Variants in UGT1A1 observed in about 807,000 individuals in gnomAD.
UGT1A1 encodes the protein UDP glucuronosyltransferase family 1 member A1.
A neutral mutation model predicts 40.6 loss-of-function variants in UGT1A1; 33 were observed. That is an observed-to-expected ratio of 0.81 (90% CI 0.62 to 1.09). UGT1A1 has a LOEUF of 1.09. Among genes scored for constraint, UGT1A1 ranks in the 50% least tolerant of loss-of-function variants. UGT1A1 has a pLI of 0.00. For missense variants in UGT1A1, 694 were observed against 671.2 expected (o/e 1.03, Z -0.38); for synonymous variants, 249 against 265.0 (o/e 0.94, Z 0.59).
chr2:233,765,251 A>C (rs1476483631), intron 1 of UGT1A1, among the ~76,000 whole-genome samples: 1 of 152,222 alleles, frequency 6.6e-6, no homozygotes, highest in African/African-American at 2.4e-5. Flanking sequence ...TAATCCCATT[A>C]CTGGGTATAT....
chr2:233,763,503 T>C (rs1459749644), intron 1 of UGT1A1, among the ~76,000 whole-genome samples: 1 of 152,236 alleles, frequency 6.6e-6, no homozygotes, highest in Admixed American at 6.5e-5. Flanking sequence ...GTTTACTTTA[T>C]GTTTAGTTGA....
chr2:233,760,803 G>T lies in UGT1A1; in HGVS notation c.516G>T (p.Leu172Phe), dbSNP rs748734877. 2.5e-6 allele frequency: 4 copies of T among 1,613,224 alleles called. No individual in the cohort carries two copies. The highest frequency in any genetic ancestry group is 3.3e-5 in the Admixed American group (2 of 59,970). ...TGTCTCTGCCCACTGTATTCTTCTT[G>T]CATGCACTGCCATGCAGCCTGGAAT... ...QYLSLPTVFF[L>F]HALPCSLEFE... Residue 172 changes from leucine (L) to phenylalanine (F), a missense_variant, in exon 1 of 5, where the codon TTG (leucine) becomes TTT (phenylalanine). Transcript: ENST00000305208.
At position 233,760,932 on chromosome 2, in the gene UGT1A1, T is replaced by C; in HGVS notation, c.645T>C (p.Ile215=). ...TFLQRVKNML[I]AFSQNFLCDV... Reference sequence around the variant, plus strand: ...TGCAGCGGGTGAAGAACATGCTCATTGCCTTTTCACAGAACTTTCTGTGCG... The same window carrying C: ...TGCAGCGGGTGAAGAACATGCTCATCGCCTTTTCACAGAACTTTCTGTGCG... Residue 215 remains isoleucine, a synonymous_variant, in exon 1 of 5, where the codon ATT becomes ATC. Transcript: ENST00000305208. The C allele has an allele frequency of 6.2e-7, 1 of 1,614,198 alleles. No homozygotes were observed. Among genetic ancestry groups the C allele is most frequent in the Non-Finnish European group, 8.5e-7 (1 of 1,180,040 alleles).
intron 4 of UGT1A1, 143 bp downstream of exon 4, chr2:233,768,582 CTTTTTTTTTTTTT>C (rs139595073): frequency 1.1e-5 from 11 of 1,033,176 alleles, no homozygotes; most frequent in Non-Finnish European, 9.8e-6. Context: ...TTTATTTCTT[CTTTTTTTTTTTTT>C]TTTTTTTTTG....
chr2:233,760,445 G>A lies in UGT1A1; in HGVS notation c.158G>A (p.Arg53Lys), dbSNP rs2125984169. Residue 53 changes from arginine to lysine, a missense_variant, in exon 1 of 5, where the codon AGG (arginine) becomes AAG (lysine). Transcript: ENST00000305208. ...GGGGCCATCCAGCAGCTGCAGCAGA[G>A]GGGACATGAAATAGTTGTCCTAGCA... ...MLGAIQQLQQRGHEIVVLAPD... is the reference protein window; with the variant it reads ...MLGAIQQLQQKGHEIVVLAPD... 6.2e-7 allele frequency: 1 copy of A among 1,614,212 alleles called. No individual in the cohort carries two copies. The highest frequency in any genetic ancestry group is 8.5e-7 in the Non-Finnish European group (1 of 1,180,032).
intron 4 of UGT1A1, chr2:233,770,334 G>T (rs1260169235): frequency 6.6e-6 from 1 of 152,106 alleles, no homozygotes; most frequent in East Asian, 1.9e-4. Flanking sequence ...GGCCATAATA[G>T]GTGCTCAATT....
intron 3 of UGT1A1, 48 bp from the exon 4 acceptor site, chr2:233,768,172 G>C: frequency 6.2e-6 from 10 of 1,613,786 alleles, no homozygotes; most frequent in South Asian, 1.1e-5. Context: ...GTCCAGCTGT[G>C]AAACTCAGAG....
At chr2:233,772,175 T>G in intron 4 of UGT1A1, 87 bp from the exon 5 acceptor site, 1 of 1,580,518 alleles carries the variant, frequency 6.3e-7, no homozygotes, top group Non-Finnish European at 8.6e-7. Context: ...GAAAATCTGG[T>G]AGTCTTCTTA....
chr2:233,772,282 G>A lies in UGT1A1; in HGVS notation c.1325G>A (p.Arg442His), dbSNP rs748166510. The change falls in exon 5 of 5, where the codon CGC becomes CAC. Residue 442 changes from arginine to histidine, a missense_variant. Arg to His is a conservative substitution (Grantham distance 29). Transcript: ENST00000305208. ...TTTAGTTACAAGGAGAACATCATGC[G>A]CCTCTCCAGCCTTCACAAGGACCGC... ...NDKSYKENIM[R>H]LSSLHKDRPV... 13 of 1,614,078 alleles carry A rather than the reference G, an allele frequency of 8.1e-6. No homozygotes were observed. Among genetic ancestry groups the A allele is most frequent in the Middle Eastern group, 1.6e-4 (1 of 6,084 alleles).
At chr2:233,765,117 T>C (rs1698755913) in intron 1 of UGT1A1, among the ~76,000 whole-genome samples, 1 of 152,162 alleles carries the variant, frequency 6.6e-6, no homozygotes, top group Admixed American at 6.5e-5. Flanking sequence ...CTCAGGACTG[T>C]TCAGGTTTTA....
In UGT1A1 at chr2:233,772,139, G is replaced by T. The variant is rs1700470475; in HGVS notation, c.1305-123G>T. ...AAAAACAACAACAACAACAATAATA[G>T]AAACAGGTTTCCTTTCCCAAGTTTG... On this transcript the variant is annotated intron_variant, in intron 4 of 4. Coordinates refer to ENST00000305208, the MANE Select transcript of UGT1A1 (RefSeq NM_000463.3). The T allele has an allele frequency of 5.2e-6, 8 of 1,548,574 alleles. No homozygotes were observed. In the Admixed American group the frequency reaches 1.2e-4, roughly 23 times the overall value.
chr2:233,760,580 A>T lies in UGT1A1; in HGVS notation c.293A>T (p.Asn98Ile), dbSNP rs1277566287. ...VKESFVSLGH[N>I]VFENDSFLQR... ...GAGTCTTTTGTTAGTCTCGGGCATAATGTTTTTGAGAATGATTCTTTCCTG... is the reference window on the plus strand; with the variant it reads ...GAGTCTTTTGTTAGTCTCGGGCATATTGTTTTTGAGAATGATTCTTTCCTG... Residue 98 changes from asparagine to isoleucine, a missense_variant, in exon 1 of 5, where the codon AAT becomes ATT. Coordinates refer to ENST00000305208, the MANE Select transcript of UGT1A1 (RefSeq NM_000463.3). 1 of 1,614,094 alleles carries T rather than the reference A, an allele frequency of 6.2e-7. No homozygotes were observed. The highest frequency in any genetic ancestry group is 1.3e-5 in the African/African-American group (1 of 74,914).
At chr2:233,765,047 G>T (rs1698737192) in intron 1 of UGT1A1, among the ~76,000 whole-genome samples, 1 of 151,990 alleles carries the variant, frequency 6.6e-6, no homozygotes, top group Non-Finnish European at 1.5e-5. Context: ...AATTGCGTTT[G>T]CTGAGCCCTG....
Position 233,769,754 on chromosome 2 carries a change from C to T in UGT1A1, c.1304+1315C>T. On this transcript the variant is annotated intron_variant, in intron 4 of 4. Coordinates refer to ENST00000305208, the MANE Select transcript of UGT1A1 (RefSeq NM_000463.3). The surrounding 1 kb of genome is among the most constrained non-coding windows in gnomAD (Gnocchi z 4.4). ...CCTGTAGTCCCAGCCACTCTGGAGGCTAAGGCGGGAGGATTGCTTGAGCCC... is the reference window on the plus strand; with the variant it reads ...CCTGTAGTCCCAGCCACTCTGGAGGTTAAGGCGGGAGGATTGCTTGAGCCC... The T allele has an allele frequency of 7.0e-7, 1 of 1,426,418 alleles. No homozygotes were observed. Among genetic ancestry groups the T allele is most frequent in the African/African-American group, 1.4e-5 (1 of 70,050 alleles). The allele number at this position is 1,426,418 out of a possible 1,614,324, so 88.4% of individuals were successfully genotyped here.
At chr2:233,768,582 CTTTTTTTTT>C (rs139595073) in intron 4 of UGT1A1, 143 bp downstream of exon 4, 1,382 of 1,030,410 alleles carry the variant, frequency 1.3e-3, no homozygotes, top group Middle Eastern at 4.4e-3. Flanking sequence ...TTTATTTCTT[CTTTTTTTTT>C]TTTTTTTTTT....
rs1430116082 is a variant in UGT1A1 at position 233,769,294 on chromosome 2, T to A, written c.1304+855T>A. ...AGGGCAAATGATTTCTGGATTAAAGTTAGTATATTACTGTCAAGCTCACTG... is the reference window on the plus strand; with the variant it reads ...AGGGCAAATGATTTCTGGATTAAAGATAGTATATTACTGTCAAGCTCACTG... On this transcript the variant is annotated intron_variant, in intron 4 of 4. Coordinates refer to ENST00000305208, the MANE Select transcript of UGT1A1 (RefSeq NM_000463.3). This position sits in a 1 kb window ranked among gnomAD's most constrained non-coding sequence, Gnocchi z 4.4. Among the ~76,000 whole-genome samples, 2 of 152,234 alleles carry A rather than the reference T, an allele frequency of 1.3e-5. No homozygotes were observed. The highest frequency in any genetic ancestry group is 4.8e-5 in the African/African-American group (2 of 41,454).
In UGT1A1 at chr2:233,772,200, TAAAG is replaced by T. The variant is rs1700482093; in HGVS notation, c.1305-60_1305-57del. On this transcript the variant is annotated intron_variant, in intron 4 of 4. Coordinates refer to ENST00000305208, the MANE Select transcript of UGT1A1 (RefSeq NM_000463.3). ...TAGTCTTCTTAAGCAGCCATGAGCATAAAGAGAGGATTGTTCATACCACAGGTGT... is the reference window on the plus strand; with the variant it reads ...TAGTCTTCTTAAGCAGCCATGAGCATAGAGGATTGTTCATACCACAGGTGT... The T allele has an allele frequency of 6.8e-6, 11 of 1,606,074 alleles. No individual in the cohort carries two copies. In the South Asian group the frequency reaches 1.0e-4, roughly 15 times the overall value.
At position 233,773,233 on chromosome 2, in the gene UGT1A1, G is replaced by A. The variant is rs1473113676; in HGVS notation, c.*674G>A. 1 of 152,016 alleles carries A rather than the reference G, an allele frequency of 6.6e-6. No homozygotes were observed. The highest frequency in any genetic ancestry group is 1.5e-5 in the Non-Finnish European group (1 of 67,958). The allele number at this position is 152,016 out of a possible 1,614,324, so 9.4% of individuals were successfully genotyped here. ...CCCAAAATACAGCTATGAAGTGCTGGGCAAGTTTACTTTTTTTCTGATGTT... is the reference window on the plus strand; with the variant it reads ...CCCAAAATACAGCTATGAAGTGCTGAGCAAGTTTACTTTTTTTCTGATGTT... On this transcript the variant is annotated 3_prime_UTR_variant, in exon 5 of 5. Transcript: ENST00000305208.
At chr2:233,767,454 G>A (rs1699397027) in intron 2 of UGT1A1, among the ~76,000 whole-genome samples, 1 of 152,122 alleles carries the variant, frequency 6.6e-6, no homozygotes, top group South Asian at 2.1e-4. Context: ...TAAAATAAAT[G>A]GGATATTGTT....
Sources: gnomAD v4.1 joint callset for allele counts (sites outside exome capture counted in the v4.1 genomes callset) on GRCh38, gnomAD v4.1.1 for gene constraint, Gnocchi (gnomAD v3.1) non-coding constraint, MANE v1.5 for transcripts, NCBI Gene and HGNC (gene_info 2026-07-23, HGNC 2026-07-21) for gene names.